The following OPRD1 variants were observed in gnomAD, a reference collection of about 807,000 sequenced individuals.
OPRD1 encodes the protein opioid receptor delta 1.
In OPRD1, 19 loss-of-function variants were observed where a neutral mutation model predicts 17.5. The ratio of observed to expected loss-of-function variants is 1.09; its 90% confidence interval spans 0.76 to 1.60. The LOEUF is 1.60. Ranked by LOEUF, OPRD1 falls within the 40% of genes most tolerant of loss-of-function variation. The pLI is 0.00. For missense variants in OPRD1, 483 were observed against 547.2 expected (o/e 0.88, Z 1.17); for synonymous variants, 256 against 240.9 (o/e 1.06, Z -0.58).
intron 2 of OPRD1, among the ~76,000 whole-genome samples, chr1:28,860,390 A>G (rs1373574171): frequency 6.6e-6 from 1 of 151,464 alleles, no homozygotes; most frequent in Non-Finnish European, 1.5e-5. Context: ...TTTATGGCCC[A>G]TTTCTTCTAG....
At chr1:28,822,643 G>A (rs953320752) in intron 1 of OPRD1, among the ~76,000 whole-genome samples, 4 of 126,364 alleles carry the variant, frequency 3.2e-5, no homozygotes, top group Non-Finnish European at 6.5e-5. Context: ...CACCATGCCC[G>A]GTTAATTTTT....
chr1:28,817,054 C>T (rs997108997), intron 1 of OPRD1, among the ~76,000 whole-genome samples: 3 of 152,150 alleles, frequency 2.0e-5, no homozygotes, highest in Non-Finnish European at 4.4e-5. Context: ...TTTGTACCCT[C>T]GCAGCATGCC....
At chr1:28,826,791 A>G (rs2088772135) in intron 1 of OPRD1, among the ~76,000 whole-genome samples, 1 of 152,186 alleles carries the variant, frequency 6.6e-6, no homozygotes, top group Non-Finnish European at 1.5e-5. Context: ...TTGCTGCATC[A>G]ATTGAGTCTT....
At chr1:28,814,653 T>G (rs1340533859) in intron 1 of OPRD1, among the ~76,000 whole-genome samples, 1 of 152,124 alleles carries the variant, frequency 6.6e-6, no homozygotes, top group East Asian at 1.9e-4. Flanking sequence ...GCTTCCCCAC[T>G]ACCACTGAGC....
intron 1 of OPRD1, among the ~76,000 whole-genome samples, chr1:28,843,664 A>T (rs994344609): frequency 6.6e-6 from 1 of 152,070 alleles, no homozygotes; most frequent in Non-Finnish European, 1.5e-5. Flanking sequence ...TCTGTCGCCC[A>T]TGCTGGAGTG....
At chr1:28,850,271 T>C (rs1387706071) in intron 1 of OPRD1, among the ~76,000 whole-genome samples, 1 of 152,104 alleles carries the variant, frequency 6.6e-6, no homozygotes, top group Non-Finnish European at 1.5e-5. Context: ...TAAGGAACAC[T>C]TGAACCCAGG....
intron 1 of OPRD1, among the ~76,000 whole-genome samples, chr1:28,846,895 C>CTTTCTTT (rs1319487675): frequency 2.6e-4 from 9 of 34,008 alleles, no homozygotes; most frequent in African/African-American, 4.4e-4. Context: ...TCTTTCTTTT[C>CTTTCTTT]TCTTTCTTTC....
chr1:28,812,681 C>T (rs1408382334), intron 1 of OPRD1, 71 bp downstream of exon 1: 2 of 1,308,204 alleles, frequency 1.5e-6, no homozygotes, highest in African/African-American at 1.5e-5. Flanking sequence ...AACTTGAGAC[C>T]CCAAGCCCGT....
intron 1 of OPRD1, among the ~76,000 whole-genome samples, chr1:28,819,284 C>CAA (rs540367377): frequency 1.4e-5 from 2 of 146,584 alleles, no homozygotes; most frequent in African/African-American, 5.0e-5. Context: ...GACCCCATTT[C>CAA]AAAAAAAAAA....
intron 1 of OPRD1, among the ~76,000 whole-genome samples, chr1:28,817,777 T>A (rs1373225959): frequency 6.6e-6 from 1 of 151,724 alleles, no homozygotes; most frequent in Non-Finnish European, 1.5e-5. Context: ...TGATCTCGGC[T>A]CACTGCAACC....
chr1:28,849,918 C>T (rs1330431616), intron 1 of OPRD1, among the ~76,000 whole-genome samples: 8 of 134,902 alleles, frequency 5.9e-5, no homozygotes, highest in Admixed American at 8.4e-5. Context: ...CTCGCTCTGT[C>T]GCCCAGGCTG....
intron 2 of OPRD1, among the ~76,000 whole-genome samples, chr1:28,860,762 A>T (rs2089107638): frequency 2.0e-5 from 3 of 151,880 alleles, no homozygotes; most frequent in Admixed American, 2.0e-4. Flanking sequence ...CAGGTCTGTT[A>T]CTCCTTCTAG....
Position 28,863,413 on chromosome 1 carries a change from C to T in OPRD1, c.*130C>T. The T allele has an allele frequency of 1.8e-6, 2 of 1,104,956 alleles. No homozygotes were observed. The highest frequency in any genetic ancestry group is 2.4e-6 in the Non-Finnish European group (2 of 827,322). 68.4% of individuals were successfully genotyped at this position (1,104,956 alleles called of 1,614,324 possible). ...GGAGGCTTGGGACCGCCAGATGGGG[C>T]CTCTGTTTCGGAGACGGGACCGGGC... On this transcript the variant is annotated 3_prime_UTR_variant, in exon 3 of 3. Transcript: ENST00000234961.
At chr1:28,831,443 AG>A (rs2088808054) in intron 1 of OPRD1, among the ~76,000 whole-genome samples, 1 of 150,690 alleles carries the variant, frequency 6.6e-6, no homozygotes, top group East Asian at 2.0e-4. Flanking sequence ...TGGGAGGTGG[AG>A]GTTGCAGTGA....
At chr1:28,823,302 T>G (rs897787833) in intron 1 of OPRD1, among the ~76,000 whole-genome samples, 3 of 150,866 alleles carry the variant, frequency 2.0e-5, no homozygotes, top group African/African-American at 7.3e-5. Context: ...GTTCAAGTGA[T>G]TCTCATGCCT....
chr1:28,847,063 T>TCCTTTCC (rs1335471635), intron 1 of OPRD1, among the ~76,000 whole-genome samples: 2 of 150,376 alleles, frequency 1.3e-5, no homozygotes, highest in African/African-American at 4.9e-5. Context: ...CTGTCCCCTT[T>TCCTTTCC]CCTTTCCGAC....
rs766192680 is a variant in OPRD1, at chr1:28,859,026, C to A, written c.300C>A (p.Ser100Arg). 6.2e-7 allele frequency: 1 copy of A among 1,614,138 alleles called. No homozygotes were observed. The highest frequency in any genetic ancestry group is 8.5e-7 in the Non-Finnish European group (1 of 1,180,048). The part of the protein sequence containing the change: ...NLALADALAT[S>R]TLPFQSAKYL... ...CCTTAGCCGATGCGCTGGCCACCAG[C>A]ACGCTGCCTTTCCAGAGTGCCAAGT... The change falls in exon 2 of 3, where the codon AGC (serine) becomes AGA (arginine). Residue 100 changes from serine (S) to arginine (R), a missense_variant. Physicochemically the swap from Ser to Arg is moderately radical, Grantham distance 110. Transcript: ENST00000234961.
chr1:28,861,270 A>G (rs2089115283), intron 2 of OPRD1, among the ~76,000 whole-genome samples: 1 of 152,052 alleles, frequency 6.6e-6, no homozygotes, highest in African/African-American at 2.4e-5. Flanking sequence ...CCCCTGGGCC[A>G]GCCTCAAGGC....
intron 1 of OPRD1, among the ~76,000 whole-genome samples, chr1:28,852,366 T>C (rs981147018): frequency 1.3e-5 from 2 of 152,072 alleles, no homozygotes; most frequent in East Asian, 3.9e-4. Context: ...GTGGAGAAAA[T>C]TGGCGCAATT....
Sources: allele counts gnomAD v4.1 joint callset (sites outside exome capture counted in the v4.1 genomes callset), GRCh38; gene constraint gnomAD v4.1.1; transcripts MANE v1.5; gene names NCBI Gene and HGNC (gene_info 2026-07-23, HGNC 2026-07-21).